The following NTM variants were observed in gnomAD, a reference collection of about 807,000 sequenced individuals.
NTM encodes neurotrimin.
NTM carries 13 observed loss-of-function variants against 42.1 expected under a neutral mutation model. The ratio of observed to expected loss-of-function variants is 0.31; its 90% CI spans 0.20 to 0.49. The LOEUF (loss-of-function observed/expected upper bound fraction) is 0.49. Ranked by LOEUF, NTM falls within the 20% of genes least tolerant of loss-of-function variation. NTM has a pLI of 0.99. For missense variants in NTM, 373 were observed against 452.8 expected, an observed-to-expected ratio of 0.82 and a Z score of 1.60; for synonymous variants, 187 against 179.2, an observed-to-expected ratio of 1.04 and a Z score of -0.35.
At chr11:132,286,105 A>T (rs192400702) in intron 4 of NTM, among the ~76,000 whole-genome samples, 2 of 152,336 alleles carry the variant, frequency 1.3e-5, no homozygotes, top group African/African-American at 4.8e-5. Flanking sequence ...GTTTCTGTGA[A>T]ATAATAACTT....
chr11:131,979,477 G>A (rs1354138586), intron 2 of NTM, among the ~76,000 whole-genome samples: 1 of 152,122 alleles, frequency 6.6e-6, no homozygotes, highest in Non-Finnish European at 1.5e-5. Flanking sequence ...TCAAAAATTG[G>A]GCAAACCTCT....
chr11:131,714,343 C>T (rs900186007), intron 1 of NTM, among the ~76,000 whole-genome samples: 6 of 152,066 alleles, frequency 3.9e-5, no homozygotes, highest in Non-Finnish European at 1.5e-5. Context: ...CATGCACTAC[C>T]ATGCCTGGCT....
At chr11:131,637,118 C>G (rs956798311) in intron 1 of NTM, among the ~76,000 whole-genome samples, 2 of 152,112 alleles carry the variant, frequency 1.3e-5, no homozygotes, top group Non-Finnish European at 2.9e-5. Context: ...CACAAGCTGT[C>G]TACTCCATTT....
intron 2 of NTM, among the ~76,000 whole-genome samples, chr11:131,944,073 G>C (rs943196525): frequency 6.6e-6 from 1 of 151,448 alleles, no homozygotes; most frequent in East Asian, 1.9e-4. Flanking sequence ...TTTCTTTTCT[G>C]TGAGAGCTTA....
chr11:131,950,965 C>A (rs537748862), intron 2 of NTM, among the ~76,000 whole-genome samples: 1 of 152,230 alleles, frequency 6.6e-6, no homozygotes, highest in South Asian at 2.1e-4. Flanking sequence ...TTCTTGTGTT[C>A]TGCACAGTGC....
chr11:131,827,528 T>C (rs1469262681), intron 1 of NTM, among the ~76,000 whole-genome samples: 1 of 152,144 alleles, frequency 6.6e-6, no homozygotes, highest in Non-Finnish European at 1.5e-5. Flanking sequence ...CCATTTCTGT[T>C]TAAAACAATC....
intron 1 of NTM, among the ~76,000 whole-genome samples, chr11:131,581,313 A>G (rs147508559): frequency 3.1e-4 from 47 of 152,360 alleles, no homozygotes; most frequent in African/African-American, 1.1e-3. Flanking sequence ...CCAGGGAGGC[A>G]TGGACCACAA....
chr11:131,911,377 C>A lies in NTM; in HGVS notation c.83-187C>A, dbSNP rs1054392568. On this transcript the variant is annotated intron_variant, in intron 1 of 8. Coordinates refer to ENST00000683400, the MANE Select transcript of NTM (RefSeq NM_001352005.2). Reference sequence around the variant, plus strand: ...CGCCTCCCGGTCGCCGCGGGTTCACCGCTCAGTCCCCGCGCTCGCTCCGCA... The same window carrying A: ...CGCCTCCCGGTCGCCGCGGGTTCACAGCTCAGTCCCCGCGCTCGCTCCGCA... The A allele has an allele frequency of 2.6e-6, 4 of 1,561,382 alleles. No homozygotes were observed. The East Asian group carries it at 6.8e-5, about 27-fold the overall frequency.
At chr11:132,182,087 G>A (rs1412573026) in intron 3 of NTM, among the ~76,000 whole-genome samples, 4 of 151,868 alleles carry the variant, frequency 2.6e-5, no homozygotes, top group East Asian at 3.9e-4. Flanking sequence ...ATCTTCAACC[G>A]TTATTTCCCA....
chr11:131,563,579 CTTTTTTTTTT>C (rs71911433), intron 1 of NTM, among the ~76,000 whole-genome samples: 6 of 88,784 alleles, frequency 6.8e-5, no homozygotes, highest in Non-Finnish European at 8.5e-5. Context: ...GCTCCAGACA[CTTTTTTTTTT>C]TTTTTTTTTT....
intron 1 of NTM, among the ~76,000 whole-genome samples, chr11:131,664,509 A>T (rs2068645821): frequency 1.3e-5 from 2 of 152,178 alleles, no homozygotes; most frequent in Non-Finnish European, 2.9e-5. Flanking sequence ...TTAGCCTGCC[A>T]ATCACTCAGA....
intron 1 of NTM, among the ~76,000 whole-genome samples, chr11:131,871,916 A>C (rs1436510988): frequency 1.3e-5 from 2 of 152,184 alleles, no homozygotes; most frequent in Non-Finnish European, 2.9e-5. Flanking sequence ...AAAGAGCTTC[A>C]GCCAATTTCA....
chr11:132,050,381 C>A (rs368372982), intron 2 of NTM, among the ~76,000 whole-genome samples: 1 of 152,084 alleles, frequency 6.6e-6, no homozygotes, highest in South Asian at 2.1e-4. Context: ...CCCACCCCTA[C>A]GAGGATTTTC....
At chr11:131,905,554 C>A (rs2053749155) in intron 1 of NTM, among the ~76,000 whole-genome samples, 1 of 152,166 alleles carries the variant, frequency 6.6e-6, no homozygotes, top group South Asian at 2.1e-4. Context: ...ACTTTTAAGT[C>A]CAGTTTAATG....
intron 1 of NTM, chr11:131,537,461 A>G (rs439465): frequency 0.81 from 122,763 of 152,156 alleles, 49,858 homozygotes; most frequent in Non-Finnish European, 0.86. Flanking sequence ...CAGAGCCGCT[A>G]AACAACCACA....
At chr11:132,006,455 A>C (rs765489742) in intron 2 of NTM, among the ~76,000 whole-genome samples, 1 of 152,248 alleles carries the variant, frequency 6.6e-6, no homozygotes, top group Non-Finnish European at 1.5e-5. Context: ...GAATATGAGA[A>C]GGCAGCCTCT....
intron 1 of NTM, chr11:131,796,035 T>A: frequency 1.0e-6 from 1 of 985,346 alleles, no homozygotes; most frequent in Non-Finnish European, 1.2e-6. Flanking sequence ...AGCCAGCATG[T>A]GCATCGAGGT....
At chr11:131,382,743 G>C (rs1463419760) in intron 1 of NTM, among the ~76,000 whole-genome samples, 1 of 152,158 alleles carries the variant, frequency 6.6e-6, no homozygotes, top group Non-Finnish European at 1.5e-5. Context: ...TAATCATCCT[G>C]ATCATTATCT....
chr11:131,882,649 C>T (rs561537984), intron 1 of NTM, among the ~76,000 whole-genome samples: 1 of 152,020 alleles, frequency 6.6e-6, no homozygotes, highest in African/African-American at 2.4e-5. Context: ...TTGGACTGAG[C>T]CTTCCATGAT....
Sources: gnomAD v4.1 joint callset for allele counts (sites outside exome capture counted in the v4.1 genomes callset) on GRCh38, gnomAD v4.1.1 for gene constraint, MANE v1.5 for transcripts, NCBI Gene and HGNC (gene_info 2026-07-23, HGNC 2026-07-21) for gene names.